The following LNPEP variants were observed in gnomAD, a reference collection of about 807,000 sequenced individuals.
The protein encoded by LNPEP is leucyl and cystinyl aminopeptidase.
In LNPEP, 64 loss-of-function variants were observed where a neutral mutation model predicts 120.6. That is an observed-to-expected ratio of 0.53 (90% CI 0.43 to 0.65). LNPEP has a LOEUF of 0.65. LNPEP is among the 30% of genes least tolerant of loss of function. LNPEP has a pLI of 0.00. For synonymous variants in LNPEP, 435 were observed against 425.4 expected (o/e 1.02, Z -0.28); for missense variants, 1,057 against 1,200.0 (o/e 0.88, Z 1.76).
At chr5:96,989,353 A>G (rs1473130887) in intron 4 of LNPEP, among the ~76,000 whole-genome samples, 5 of 21,844 alleles carry the variant, frequency 2.3e-4, no homozygotes, top group Admixed American at 7.7e-4. Flanking sequence ...ATAATATATT[A>G]TATATTATAT....
intron 12 of LNPEP, 78 bp from the exon 13 acceptor site, chr5:97,014,861 T>C: frequency 9.2e-7 from 1 of 1,082,624 alleles, no homozygotes; most frequent in Non-Finnish European, 1.2e-6. Flanking sequence ...CATCTAACCC[T>C]AAGTTTCTCT....
At chr5:97,027,484 G>A (rs1214238176) in intron 16 of LNPEP, among the ~76,000 whole-genome samples, 1 of 152,130 alleles carries the variant, frequency 6.6e-6, no homozygotes, top group Non-Finnish European at 1.5e-5. Context: ...ATTTCTGGGT[G>A]TACAGTGTGA....
At position 97,035,100 on chromosome 5, in the gene LNPEP, T is replaced by A. The variant is rs1415581908; in HGVS notation, c.*6567T>A. 1 of 152,174 alleles carries A rather than the reference T, an allele frequency of 6.6e-6. No individual in the cohort carries two copies. The highest frequency in any genetic ancestry group is 2.4e-5 in the African/African-American group (1 of 41,452). The allele number at this position is 152,174 out of a possible 1,614,324, so 9.4% of individuals were successfully genotyped here. On this transcript the variant is annotated 3_prime_UTR_variant, in exon 18 of 18. Transcript: ENST00000231368. ...TCCAGACGTATGATAACTCTCCTGT[T>A]TCCCTTCCCTCATTGCCTACAGGGG...
At chr5:96,979,019 T>G in intron 1 of LNPEP, 119 bp from the exon 2 acceptor site, 1 of 1,118,352 alleles carries the variant, frequency 8.9e-7, no homozygotes, top group Non-Finnish European at 1.3e-6. Context: ...TGGAAATAAG[T>G]CTTAGTGACT....
intron 1 of LNPEP, among the ~76,000 whole-genome samples, chr5:96,967,716 A>AG (rs1789763532): frequency 6.6e-6 from 1 of 152,018 alleles, no homozygotes; most frequent in African/African-American, 2.4e-5. Flanking sequence ...CCTCCAGTAA[A>AG]CCTGGATTCA....
chr5:96,962,021 G>GTTGTAGA (rs1789619252), intron 1 of LNPEP, among the ~76,000 whole-genome samples: 1 of 152,152 alleles, frequency 6.6e-6, no homozygotes, highest in African/African-American at 2.4e-5. Flanking sequence ...GGCTGAGAGA[G>GTTGTAGA]TTGTAGAAAC....
At chr5:96,995,019 A>G (rs1462135643) in intron 6 of LNPEP, among the ~76,000 whole-genome samples, 2 of 152,160 alleles carry the variant, frequency 1.3e-5, no homozygotes, top group African/African-American at 4.8e-5. Flanking sequence ...GAGGCAAAAG[A>G]ATCACTTGAA....
intron 4 of LNPEP, among the ~76,000 whole-genome samples, chr5:96,990,667 A>G (rs1790368567): frequency 6.6e-6 from 1 of 152,182 alleles, no homozygotes; most frequent in African/African-American, 2.4e-5. Flanking sequence ...TTTTATGGAT[A>G]AGGAAAGTAA....
In LNPEP at chr5:97,030,622, G is replaced by C. The variant is rs27301; in HGVS notation, c.*2089G>C. ...TTTCTCTCCCTCTCTCTCTCTCTCTGTGTGTGTGTGTGTGTGTGTGTGTGT... is the reference window on the plus strand; with the variant it reads ...TTTCTCTCCCTCTCTCTCTCTCTCTCTGTGTGTGTGTGTGTGTGTGTGTGT... On this transcript the variant is annotated 3_prime_UTR_variant, in exon 18 of 18. Coordinates refer to ENST00000231368, the MANE Select transcript of LNPEP (RefSeq NM_005575.3). 411 of 12,670 alleles carry C rather than the reference G, an allele frequency of 0.032. 5 individuals carry two copies. Among genetic ancestry groups the C allele is most frequent in the South Asian group, 0.29 (67 of 228 alleles). 0.8% of individuals were successfully genotyped at this position (12,670 alleles called of 1,614,324 possible). A position where few individuals can be genotyped will look rare whatever the true frequency, so the allele number is the denominator to read the frequency against.
chr5:97,018,373 C>G (rs1336841646), intron 13 of LNPEP, among the ~76,000 whole-genome samples: 2 of 152,004 alleles, frequency 1.3e-5, no homozygotes, highest in Non-Finnish European at 2.9e-5. Flanking sequence ...CTTCTTTGAA[C>G]TGCATCTTCA....
At chr5:97,015,695 A>G (rs1791049723) in intron 13 of LNPEP, among the ~76,000 whole-genome samples, 1 of 152,044 alleles carries the variant, frequency 6.6e-6, no homozygotes, top group Non-Finnish European at 1.5e-5. Flanking sequence ...GTGAAAAATT[A>G]TTTGTTTTTA....
At chr5:96,946,155 A>T (rs999353778) in intron 1 of LNPEP, among the ~76,000 whole-genome samples, 10 of 152,204 alleles carry the variant, frequency 6.6e-5, no homozygotes, top group Admixed American at 5.2e-4. Flanking sequence ...TCTGTTTTTT[A>T]AACTGGAGGC....
At chr5:96,976,640 T>C (rs1790002644) in intron 1 of LNPEP, among the ~76,000 whole-genome samples, 1 of 152,074 alleles carries the variant, frequency 6.6e-6, no homozygotes, top group African/African-American at 2.4e-5. Flanking sequence ...CCCATTGTTG[T>C]CTGCAGTAGG....
intron 1 of LNPEP, among the ~76,000 whole-genome samples, chr5:96,956,137 A>G (rs1305497560): frequency 1.3e-5 from 2 of 152,144 alleles, no homozygotes; most frequent in Non-Finnish European, 1.5e-5. Flanking sequence ...ACATTGGATT[A>G]TTTGTCATCT....
chr5:96,979,202 G>A lies in LNPEP; in HGVS notation c.84G>A (p.Val28=). The change falls in exon 2 of 18, where the codon GTG becomes GTA. Residue 28 remains valine (V), a synonymous_variant. Coordinates refer to ENST00000231368, the MANE Select transcript of LNPEP (RefSeq NM_005575.3). ...TGTTTGAGGAAGAACCAGATGTGGT[G>A]GATTTAGCCAAAGAGCCTTGTTTAC... ...NSMFEEEPDV[V]DLAKEPCLHP... is the part of the protein sequence containing the mutation. The A allele has an allele frequency of 6.2e-7, 1 of 1,613,838 alleles. No individual in the cohort carries two copies. The highest frequency in any genetic ancestry group is 1.7e-5 in the Admixed American group (1 of 59,998).
rs764544049 is a variant in LNPEP, at chr5:97,006,433, G to C, written c.1953G>C (p.Leu651=). Residue 651 remains leucine (L), a synonymous_variant, in exon 11 of 18, where the codon CTG becomes CTC. Transcript: ENST00000231368. ...PEIQPSDTSY[L]WHIPLSYVTE... is the part of the protein sequence containing the mutation. ...CAATGTTTTCTCTTTACAGCTACCT[G>C]TGGCATATTCCACTATCCTATGTCA... The C allele has an allele frequency of 6.4e-7, 1 of 1,558,492 alleles. No homozygotes were observed. The highest frequency in any genetic ancestry group is 8.8e-7 in the Non-Finnish European group (1 of 1,136,890).
chr5:96,983,042 T>G (rs1249880800), intron 2 of LNPEP, among the ~76,000 whole-genome samples: 1 of 152,206 alleles, frequency 6.6e-6, no homozygotes, highest in Non-Finnish European at 1.5e-5. Context: ...GTGGATTCTA[T>G]CTCAGTCCTA....
At chr5:96,936,219 C>T (rs1011933755) in intron 1 of LNPEP, 45 bp downstream of exon 1, 13 of 1,397,276 alleles carry the variant, frequency 9.3e-6, no homozygotes, top group Non-Finnish European at 1.2e-5. Context: ...CTCCGGAGCC[C>T]TGAGGGTCGT....
At chr5:96,986,755 G>C in intron 4 of LNPEP, 85 bp downstream of exon 4, 1 of 1,229,360 alleles carries the variant, frequency 8.1e-7, no homozygotes, top group Non-Finnish European at 1.1e-6. Flanking sequence ...GGTATTTGCT[G>C]TGTGAAATAA....
Sources: allele counts gnomAD v4.1 joint callset (sites outside exome capture counted in the v4.1 genomes callset), GRCh38; gene constraint gnomAD v4.1.1; transcripts MANE v1.5; gene names NCBI Gene and HGNC (gene_info 2026-07-23, HGNC 2026-07-21).